Variants in SLC8A1 observed in about 807,000 individuals in gnomAD.
SLC8A1 encodes sodium/calcium exchanger 1.
Under a neutral mutation model 68.3 loss-of-function variants are expected in SLC8A1, and 18 were observed. The observed-to-expected ratio is 0.26, with a 90% CI of 0.18 to 0.39. The LOEUF is 0.39. SLC8A1 is among the 10% of genes least tolerant of loss of function. SLC8A1 has a pLI of 1.00. For missense variants in SLC8A1, 985 were observed against 1,156.7 expected (o/e 0.85, Z 2.15); for synonymous variants, 475 against 415.5 (o/e 1.14, Z -1.74).
intron 2 of SLC8A1, among the ~76,000 whole-genome samples, chr2:40,320,782 G>T (rs1394832381): frequency 6.6e-6 from 1 of 152,072 alleles, no homozygotes; most frequent in Non-Finnish European, 1.5e-5. Context: ...CTTCTCAAAA[G>T]AACAATTTAT....
chr2:40,504,521 A>T (rs1261835511), intron 1 of SLC8A1, among the ~76,000 whole-genome samples: 1 of 152,120 alleles, frequency 6.6e-6, no homozygotes, highest in African/African-American at 2.4e-5. Context: ...GTGAAGAGGC[A>T]ACACACAGAA....
intron 2 of SLC8A1, among the ~76,000 whole-genome samples, chr2:40,236,801 G>A (rs1023166499): frequency 6.6e-6 from 1 of 151,104 alleles, no homozygotes; most frequent in African/African-American, 2.4e-5. Flanking sequence ...GCCTGGTGGT[G>A]ACAAAATCTC....
At chr2:40,189,407 G>C (rs2051319921) in intron 2 of SLC8A1, among the ~76,000 whole-genome samples, 1 of 152,166 alleles carries the variant, frequency 6.6e-6, no homozygotes, top group South Asian at 2.1e-4. Context: ...TGTAACCTCT[G>C]CCTCTCAGGT....
chr2:40,302,686 T>C (rs186861293), intron 2 of SLC8A1, among the ~76,000 whole-genome samples: 81 of 152,124 alleles, frequency 5.3e-4, no homozygotes, highest in Non-Finnish European at 8.8e-4. Flanking sequence ...TTGCAAATTG[T>C]GCTGCTATAA....
intron 2 of SLC8A1, among the ~76,000 whole-genome samples, chr2:40,311,830 C>A (rs992247551): frequency 6.6e-6 from 1 of 151,940 alleles, no homozygotes; most frequent in Non-Finnish European, 1.5e-5. Flanking sequence ...GTTTCTACAA[C>A]AAATATCATT....
chr2:40,115,722 C>G, intron 7 of SLC8A1, 93 bp from the exon 11 acceptor site: 1 of 1,477,566 alleles, frequency 6.8e-7, no homozygotes, highest in Non-Finnish European at 9.0e-7. Context: ...TAGGACCCAA[C>G]CCTTAATATA....
At chr2:40,264,366 T>C (rs1263139006) in intron 2 of SLC8A1, among the ~76,000 whole-genome samples, 2 of 152,022 alleles carry the variant, frequency 1.3e-5, no homozygotes, top group Non-Finnish European at 2.9e-5. Context: ...ACCCAAAGGA[T>C]TATAAATCAT....
intron 2 of SLC8A1, among the ~76,000 whole-genome samples, chr2:40,410,921 G>A (rs1691933671): frequency 6.6e-6 from 1 of 152,044 alleles, no homozygotes; most frequent in Non-Finnish European, 1.5e-5. Flanking sequence ...CATAATACCA[G>A]CAAATGGGAT....
At chr2:40,307,583 A>T (rs2072899293) in intron 2 of SLC8A1, among the ~76,000 whole-genome samples, 1 of 152,210 alleles carries the variant, frequency 6.6e-6, no homozygotes, top group South Asian at 2.1e-4. Context: ...GCGAAAGGAA[A>T]CAAAAGCCTC....
chr2:40,494,503 C>T (rs1705541995), intron 1 of SLC8A1, among the ~76,000 whole-genome samples: 2 of 151,618 alleles, frequency 1.3e-5, no homozygotes, highest in South Asian at 4.2e-4. Flanking sequence ...ATTTATATTC[C>T]TTTGGGTATA....
chr2:40,477,374 T>A (rs529883759), intron 1 of SLC8A1, among the ~76,000 whole-genome samples: 1 of 152,322 alleles, frequency 6.6e-6, no homozygotes, highest in East Asian at 1.9e-4. Context: ...CAATCCTATG[T>A]GCTTCTGGTT....
intron 2 of SLC8A1, among the ~76,000 whole-genome samples, chr2:40,252,988 T>G (rs555200528): frequency 2.6e-4 from 34 of 133,222 alleles, no homozygotes; most frequent in South Asian, 1.8e-3. Flanking sequence ...TGTATCTGTA[T>G]ATATGTATAT....
chr2:40,202,179 G>C (rs1211465632), intron 2 of SLC8A1, among the ~76,000 whole-genome samples: 3 of 151,906 alleles, frequency 2.0e-5, no homozygotes, highest in African/African-American at 7.2e-5. Context: ...AGTAAGAAGA[G>C]TAGGTCAAAA....
intron 1 of SLC8A1, among the ~76,000 whole-genome samples, chr2:40,498,724 A>T (rs867208577): frequency 2.0e-5 from 3 of 152,188 alleles, no homozygotes; most frequent in Middle Eastern, 3.4e-3. Flanking sequence ...ATACTTTGTC[A>T]AACTATTGGA....
At chr2:40,210,908 T>A (rs533474458) in intron 2 of SLC8A1, among the ~76,000 whole-genome samples, 19 of 152,330 alleles carry the variant, frequency 1.2e-4, no homozygotes, top group Admixed American at 1.1e-3. Context: ...ATCATTAACA[T>A]CATAAGGCTA....
chr2:40,441,110 C>T (rs907134833), intron 1 of SLC8A1, among the ~76,000 whole-genome samples: 1 of 151,910 alleles, frequency 6.6e-6, no homozygotes, highest in African/African-American at 2.4e-5. Flanking sequence ...TGCAAATATC[C>T]CAAGCATTCC....
chr2:40,182,920 T>A (rs905941666), intron 2 of SLC8A1, among the ~76,000 whole-genome samples: 1 of 152,212 alleles, frequency 6.6e-6, no homozygotes, highest in African/African-American at 2.4e-5. Flanking sequence ...AATGGAGGAT[T>A]AAAGAGAAGA....
At chr2:40,309,669 C>T (rs1255566935) in intron 2 of SLC8A1, among the ~76,000 whole-genome samples, 1 of 151,904 alleles carries the variant, frequency 6.6e-6, no homozygotes, top group Non-Finnish European at 1.5e-5. Flanking sequence ...CCATGCCCAG[C>T]TAATTTTTGT....
chr2:40,252,553 C>CAAACTCCTGACCTCAAGTGAT (rs2062932451), intron 2 of SLC8A1, among the ~76,000 whole-genome samples: 1 of 152,102 alleles, frequency 6.6e-6, no homozygotes. Context: ...AGGAGGGACT[C>CAAACTCCTGACCTCAAGTGAT]AAACTCCTGA....
Sources: gnomAD v4.1 joint callset for allele counts (sites outside exome capture counted in the v4.1 genomes callset) on GRCh38, gnomAD v4.1.1 for gene constraint, MANE v1.5 for transcripts, NCBI Gene and HGNC (gene_info 2026-07-23, HGNC 2026-07-21) for gene names.